The following HEMK2 variants were observed in gnomAD, a reference collection of about 807,000 sequenced individuals.
HEMK2 encodes methyltransferase HEMK2.
the HEMK2 span, among the ~76,000 whole-genome samples, chr21:28,842,663 C>T: frequency 6.6e-6 from 1 of 152,174 alleles, no homozygotes; most frequent in African/African-American, 2.4e-5. Context: ...ACAACGTGCC[C>T]AGTCACAGAG....
chr21:28,730,419 T>C, the HEMK2 span, among the ~76,000 whole-genome samples: 5 of 43,520 alleles, frequency 1.1e-4, no homozygotes, highest in African/African-American at 1.6e-3. Flanking sequence ...CACACACACA[T>C]TTCTCACAAT....
chr21:28,804,764 G>C, the HEMK2 span, among the ~76,000 whole-genome samples: 2 of 152,028 alleles, frequency 1.3e-5, no homozygotes, highest in African/African-American at 4.8e-5. Flanking sequence ...AACATTAGAC[G>C]GGCCACATGG....
chr21:28,774,808 T>C, the HEMK2 span, among the ~76,000 whole-genome samples: 1 of 152,202 alleles, frequency 6.6e-6, no homozygotes, highest in Non-Finnish European at 1.5e-5. Context: ...ACATTATGTA[T>C]TCCTGAGTAG....
the HEMK2 span, among the ~76,000 whole-genome samples, chr21:28,854,567 C>T: frequency 9.9e-5 from 15 of 152,090 alleles, no homozygotes; most frequent in South Asian, 6.2e-4. Context: ...TATTAACTCA[C>T]AATCATAAGG....
the HEMK2 span, among the ~76,000 whole-genome samples, chr21:28,640,437 A>G: frequency 5.0e-3 from 761 of 152,320 alleles, 6 homozygotes; most frequent in African/African-American, 0.017. Flanking sequence ...CCAGCAAGGA[A>G]GCTGTTTACG....
the HEMK2 span, among the ~76,000 whole-genome samples, chr21:28,771,525 C>A: frequency 2.8e-5 from 4 of 143,434 alleles, 1 homozygote; most frequent in Admixed American, 1.4e-4. Flanking sequence ...ACCACCCCCC[C>A]CCGCCAAAGA....
chr21:28,809,204 A>G, the HEMK2 span, among the ~76,000 whole-genome samples: 1 of 151,688 alleles, frequency 6.6e-6, no homozygotes, highest in Non-Finnish European at 1.5e-5. Context: ...AAGTTTAGAC[A>G]GTCAAATTAG....
chr21:28,688,782 T>A, the HEMK2 span, among the ~76,000 whole-genome samples: 1 of 152,162 alleles, frequency 6.6e-6, no homozygotes, highest in Non-Finnish European at 1.5e-5. Context: ...TACTTTTATA[T>A]AATATGCCCA....
chr21:28,824,642 G>C, the HEMK2 span, among the ~76,000 whole-genome samples: 1 of 152,006 alleles, frequency 6.6e-6, no homozygotes, highest in African/African-American at 2.4e-5. Context: ...TTGCTTCCCA[G>C]AAATAAAAAA....
chr21:28,660,516 A>G, the HEMK2 span, among the ~76,000 whole-genome samples: 1 of 151,298 alleles, frequency 6.6e-6, no homozygotes, highest in Non-Finnish European at 1.5e-5. Context: ...TATTTTATAT[A>G]TTTATAATAT....
chr21:28,699,013 G>A, the HEMK2 span, among the ~76,000 whole-genome samples: 1 of 152,056 alleles, frequency 6.6e-6, no homozygotes, highest in Non-Finnish European at 1.5e-5. Flanking sequence ...AAGCATTCAT[G>A]TGTTTTTTTA....
chr21:28,779,469 G>A, the HEMK2 span, among the ~76,000 whole-genome samples: 2 of 152,300 alleles, frequency 1.3e-5, no homozygotes, highest in Non-Finnish European at 2.9e-5. Context: ...TGGGAGGAGG[G>A]TGTTGGAGAG....
chr21:28,659,471 A>T, the HEMK2 span, among the ~76,000 whole-genome samples: 1 of 152,044 alleles, frequency 6.6e-6, no homozygotes, highest in Non-Finnish European at 1.5e-5. Flanking sequence ...CAGGCATTTT[A>T]AAAGTGCCAA....
the HEMK2 span, among the ~76,000 whole-genome samples, chr21:28,836,022 C>G: frequency 1.5e-4 from 23 of 152,210 alleles, no homozygotes; most frequent in African/African-American, 5.1e-4. Flanking sequence ...AATCAGTGTT[C>G]TTGAGAAAAA....
At chr21:28,733,704 T>C in the HEMK2 span, among the ~76,000 whole-genome samples, 1,063 of 151,992 alleles carry the variant, frequency 7.0e-3, 9 homozygotes, top group African/African-American at 0.023. Context: ...GGTAGCCTGA[T>C]TGCCACCCTT....
the HEMK2 span, among the ~76,000 whole-genome samples, chr21:28,867,756 T>C: frequency 0.84 from 127,571 of 152,158 alleles, 53,937 homozygotes; most frequent in South Asian, 0.93. Flanking sequence ...TTACATCACG[T>C]CCAGCCTCAA....
chr21:28,584,303 A>C, the HEMK2 span, among the ~76,000 whole-genome samples: 1 of 152,336 alleles, frequency 6.6e-6, no homozygotes, highest in Admixed American at 6.5e-5. Context: ...CAGGAACTTG[A>C]ATTTAAGTTG....
chr21:28,877,803 T>C, the HEMK2 span, among the ~76,000 whole-genome samples: 1 of 152,102 alleles, frequency 6.6e-6, no homozygotes, highest in Non-Finnish European at 1.5e-5. Context: ...TAAAAATCTA[T>C]ACAATTAAAT....
At chr21:28,791,994 A>G in the HEMK2 span, among the ~76,000 whole-genome samples, 22 of 152,308 alleles carry the variant, frequency 1.4e-4, no homozygotes, top group East Asian at 4.2e-3. Context: ...GATGGCAACG[A>G]AAGTGATCTT....
Sources: gnomAD v4.1 joint callset for allele counts (sites outside exome capture counted in the v4.1 genomes callset) on GRCh38, gnomAD v4.1.1 for gene constraint, MANE v1.5 for transcripts, NCBI Gene and HGNC (gene_info 2026-07-23, HGNC 2026-07-21) for gene names.